ASB2: variants seen among roughly 807,000 people sequenced by gnomAD.
ASB2 encodes ankyrin repeat and SOCS box containing 2.
Under a neutral mutation model 62.4 loss-of-function variants are expected in ASB2, and 58 were observed. The ratio of observed to expected loss-of-function variants is 0.93; its 90% confidence interval spans 0.75 to 1.16. The LOEUF is 1.16. ASB2 is among the 50% of genes most tolerant of loss of function. The pLI, the probability that ASB2 is intolerant of heterozygous loss-of-function variation, is 0.00. For synonymous variants in ASB2, 386 were observed against 385.3 expected, an observed-to-expected ratio of 1.00 and a Z score of -0.02; for missense variants, 928 against 887.9, an observed-to-expected ratio of 1.05 and a Z score of -0.57.
At chr14:93,944,469 T>C (rs1888649216) in intron 7 of ASB2, among the ~76,000 whole-genome samples, 2 of 152,230 alleles carry the variant, frequency 1.3e-5, no homozygotes, top group Admixed American at 1.3e-4. Context: ...CTGCCTTCCA[T>C]GCCTGGGACG....
At chr14:93,970,729 C>T (rs1889734519) in intron 1 of ASB2, among the ~76,000 whole-genome samples, 1 of 152,238 alleles carries the variant, frequency 6.6e-6, no homozygotes, top group African/African-American at 2.4e-5. Context: ...GACGGTGGCA[C>T]GGCCCGAGTG....
Position 93,964,233 on chromosome 14 carries a change from G to C in ASB2, c.206+101C>G. 4 of 1,076,452 alleles carry C rather than the reference G, an allele frequency of 3.7e-6. No homozygotes were observed. In the South Asian group the frequency reaches 5.4e-5, roughly 14 times the overall value. The allele number at this position is 1,076,452 out of a possible 1,614,324, so 66.7% of individuals were successfully genotyped here. On this transcript the variant is annotated intron_variant, in intron 2 of 9. Coordinates refer to ENST00000555019, the MANE Select transcript of ASB2 (RefSeq NM_001202429.2). ...TGGGAAAGGTGTGAAAAGCAACCTA[G>C]AGACCAGGATACCGTGGTTTTGGAT...
At position 93,955,069 on chromosome 14, in the gene ASB2, G is replaced by GCTTC. The variant is rs752792095; in HGVS notation, c.312-590_312-587dup. ...GTTAAAGTCCCTTTGTTCATTCATT[G>GCTTC]CTTCCTTCCTTCCTTCATTCATTCA... is the stretch of plus-strand genomic sequence containing the variant. On this transcript the variant is annotated intron_variant, in intron 3 of 9. Transcript: ENST00000555019. 15 of 456,610 alleles carry GCTTC rather than the reference G, an allele frequency of 3.3e-5. No individual in the cohort carries two copies. The East Asian group carries it at 9.0e-4, about 27-fold the overall frequency. 28.3% of individuals were successfully genotyped at this position (456,610 alleles called of 1,614,324 possible). A position where few individuals can be genotyped will look rare whatever the true frequency, so the allele number is the denominator to read the frequency against.
At chr14:93,941,857 C>A (rs1314810212) in intron 7 of ASB2, among the ~76,000 whole-genome samples, 2 of 152,268 alleles carry the variant, frequency 1.3e-5, no homozygotes, top group Non-Finnish European at 2.9e-5. Flanking sequence ...CGGCAGGACT[C>A]TGCCAATCAG....
intron 1 of ASB2, among the ~76,000 whole-genome samples, chr14:93,970,871 CA>C (rs1469245707): frequency 6.6e-6 from 1 of 152,172 alleles, no homozygotes; most frequent in Non-Finnish European, 1.5e-5. Context: ...GAGGTGTTGT[CA>C]GGTGAAATTA....
At position 93,934,729 on chromosome 14, in the gene ASB2, C is replaced by T. The variant is rs375068202; in HGVS notation, c.1835G>A (p.Arg612His). Residue 612 changes from arginine to histidine, a missense_variant, in exon 10 of 10, where the codon CGT becomes CAT. Physicochemically the swap from Arg to His is conservative, Grantham distance 29 (BLOSUM62 0). Coordinates refer to ENST00000555019, the MANE Select transcript of ASB2 (RefSeq NM_001202429.2). ...LRVRKAIGKY[R>H]IKLLDTLPLP... ...CGGCAAGGTGTCTAGGAGTTTTATACGGTATTTCCCAATGGCCTTTCGAAC... is the reference window on the plus strand; with the variant it reads ...CGGCAAGGTGTCTAGGAGTTTTATATGGTATTTCCCAATGGCCTTTCGAAC... 3.2e-5 allele frequency: 52 copies of T among 1,613,486 alleles called. No homozygotes were observed. Among genetic ancestry groups the T allele is most frequent in the Admixed American group, 2.7e-4 (16 of 60,004 alleles).
In ASB2 at chr14:93,947,537, G is replaced by T; in HGVS notation, c.881-17C>A. On this transcript the variant is annotated splice_polypyrimidine_tract_variant and intron_variant, in intron 6 of 9. Transcript: ENST00000555019. Reference sequence around the variant, plus strand: ...TGTCAGCACCTGGGGAAGGAGAAGAGATCAGCAAGTGGCCAAGTGACCGGG... The same window carrying T: ...TGTCAGCACCTGGGGAAGGAGAAGATATCAGCAAGTGGCCAAGTGACCGGG... The T allele has an allele frequency of 6.2e-7, 1 of 1,611,812 alleles. No homozygotes were observed. The highest frequency in any genetic ancestry group is 8.5e-7 in the Non-Finnish European group (1 of 1,179,168).
chr14:93,950,108 G>C (rs1224715542), intron 6 of ASB2, among the ~76,000 whole-genome samples: 8 of 152,166 alleles, frequency 5.3e-5, no homozygotes, highest in Non-Finnish European at 1.2e-4. Context: ...TCTATAAAAT[G>C]GGACGAGCAT....
chr14:93,963,518 G>A (rs1008362612), intron 2 of ASB2, among the ~76,000 whole-genome samples: 2 of 152,152 alleles, frequency 1.3e-5, no homozygotes, highest in Non-Finnish European at 2.9e-5. Flanking sequence ...AGGAGGTGTC[G>A]TCTAGATCTG....
chr14:93,935,666 A>T (rs1240250253), intron 9 of ASB2, among the ~76,000 whole-genome samples: 1 of 152,182 alleles, frequency 6.6e-6, no homozygotes, highest in Admixed American at 6.5e-5. Flanking sequence ...AAGTCATGCA[A>T]GCCTGGGGCT....
intron 1 of ASB2, among the ~76,000 whole-genome samples, chr14:93,971,021 C>G (rs1214823684): frequency 6.6e-6 from 1 of 152,216 alleles, no homozygotes; most frequent in African/African-American, 2.4e-5. Flanking sequence ...TAAACCTGTT[C>G]CTGCTGGGAG....
Position 93,951,237 on chromosome 14 carries a change from C to A in ASB2, c.642G>T (p.Glu214Asp). ...SRETPLYKAC[E>D]RKNAEAVKIL... ...TCTTCACGGCCTCCGCGTTCTTGCG[C>A]TCGCAGGCTGTGCTCAGGGGGAAGC... is the stretch of plus-strand genomic sequence containing the variant. Residue 214 changes from glutamate to aspartate, a missense_variant, in exon 6 of 10, where the codon GAG becomes GAT. Glu to Asp is a conservative substitution (Grantham distance 45). Coordinates refer to ENST00000555019, the MANE Select transcript of ASB2 (RefSeq NM_001202429.2). The A allele has an allele frequency of 6.3e-7, 1 of 1,599,392 alleles. No individual in the cohort carries two copies. The highest frequency in any genetic ancestry group is 8.5e-7 in the Non-Finnish European group (1 of 1,173,774).
chr14:93,937,984 C>A (rs992707908), intron 8 of ASB2, 133 bp from the exon 9 acceptor site: 22 of 924,264 alleles, frequency 2.4e-5, no homozygotes, highest in Middle Eastern at 5.5e-4. Flanking sequence ...AACCATGTCC[C>A]CTCAACACAG....
At chr14:93,955,425 A>C (rs1196284451) in intron 3 of ASB2, 1 of 322,256 alleles carries the variant, frequency 3.1e-6, no homozygotes, top group Non-Finnish European at 6.2e-6. Flanking sequence ...TGGGAAACTG[A>C]TCAGATAAGT....
chr14:93,939,474 G>C lies in ASB2; in HGVS notation c.1251C>G (p.Phe417Leu). The C allele has an allele frequency of 1.2e-6, 2 of 1,612,262 alleles. No individual in the cohort carries two copies. The highest frequency in any genetic ancestry group is 1.7e-6 in the Non-Finnish European group (2 of 1,179,698). ...CGTACACGTTGTTGTTGACCACCGC[G>C]AAGTACAGCGCGGAGCTGCGCCGGT... ...YEDRRSSALYFAVVNNNVYAT... is the reference protein window; with the variant it reads ...YEDRRSSALYLAVVNNNVYAT... The change falls in exon 8 of 10, where the codon TTC (phenylalanine) becomes TTG (leucine). Residue 417 changes from phenylalanine (F) to leucine (L), a missense_variant. Coordinates refer to ENST00000555019, the MANE Select transcript of ASB2 (RefSeq NM_001202429.2).
At chr14:93,947,742 C>G (rs1053983552) in intron 6 of ASB2, among the ~76,000 whole-genome samples, 1 of 152,050 alleles carries the variant, frequency 6.6e-6, no homozygotes, top group East Asian at 1.9e-4. Flanking sequence ...GCCTGTAATC[C>G]CAGCACTTTG....
chr14:93,974,574 CT>C (rs1212174519), intron 1 of ASB2, among the ~76,000 whole-genome samples: 1 of 152,224 alleles, frequency 6.6e-6, no homozygotes, highest in Non-Finnish European at 1.5e-5. Flanking sequence ...GACATTTCCC[CT>C]GGGTGCACGA....
chr14:93,936,965 T>A (rs1410381067), intron 9 of ASB2, among the ~76,000 whole-genome samples: 1 of 152,246 alleles, frequency 6.6e-6, no homozygotes, highest in Non-Finnish European at 1.5e-5. Context: ...TCAGCCTGAC[T>A]TAGCCAGGCA....
chr14:93,943,581 T>G (rs1468800333), intron 7 of ASB2, among the ~76,000 whole-genome samples: 2 of 152,144 alleles, frequency 1.3e-5, no homozygotes, highest in Non-Finnish European at 2.9e-5. Flanking sequence ...GAGGCAGAGG[T>G]TGCAGCGAGC....
Sources: gnomAD v4.1 joint callset for allele counts (sites outside exome capture counted in the v4.1 genomes callset) on GRCh38, gnomAD v4.1.1 for gene constraint, MANE v1.5 for transcripts, NCBI Gene and HGNC (gene_info 2026-07-23, HGNC 2026-07-21) for gene names.